The following ANGEL2 variants were observed in gnomAD, a reference collection of about 807,000 sequenced individuals.
ANGEL2 encodes the protein RNA 2',3'-cyclic phosphatase ANGEL2.
In ANGEL2, 41 loss-of-function variants were observed where a neutral mutation model predicts 66.0. The ratio of observed to expected loss-of-function variants is 0.62; its 90% CI spans 0.48 to 0.81. The LOEUF is 0.81. Among genes scored for constraint, ANGEL2 ranks in the 30% least tolerant of loss-of-function variants. The pLI is 0.00. For missense variants in ANGEL2, 561 were observed against 641.6 expected (o/e 0.87, Z 1.36); for synonymous variants, 208 against 226.5 (o/e 0.92, Z 0.73).
intron 1 of ANGEL2, chr1:213,015,039 A>AT: frequency 2.3e-6 from 2 of 887,280 alleles, no homozygotes; most frequent in Non-Finnish European, 2.7e-6. Context: ...TTTAAAAAAA[A>AT]CTGAGTCAAT....
At chr1:213,007,274 AT>A in intron 3 of ANGEL2, 76 bp from the exon 4 acceptor site, 1 of 1,157,192 alleles carries the variant, frequency 8.6e-7, no homozygotes, top group Non-Finnish European at 1.2e-6. Context: ...ATCTTAAAAT[AT>A]CTAAAAGCAG....
Position 212,992,449 on chromosome 1 carries a change from TGA to T in ANGEL2, c.*2590_*2591del, listed in dbSNP as rs2075883141. 1 of 152,242 alleles carries T rather than the reference TGA, an allele frequency of 6.6e-6. No individual in the cohort carries two copies. The highest frequency in any genetic ancestry group is 1.5e-5 in the Non-Finnish European group (1 of 68,038). 9.4% of individuals were successfully genotyped at this position (152,242 alleles called of 1,614,324 possible). On this transcript the variant is annotated 3_prime_UTR_variant, in exon 9 of 9. Transcript: ENST00000366962. ...ACTTGGATAGTATAACACTTGAGAC[TGA>T]GAGATTTGGTTTCAGGCATTAACCA...
intron 1 of ANGEL2, among the ~76,000 whole-genome samples, chr1:213,014,308 T>C (rs61834070): frequency 1.3e-5 from 2 of 152,378 alleles, no homozygotes; most frequent in Admixed American, 6.5e-5. Context: ...GCATCAATAA[T>C]GTGCGCTCCC....
chr1:212,995,222 TA>T, intron 8 of ANGEL2, 30 bp from the exon 9 acceptor site: 1 of 1,564,166 alleles, frequency 6.4e-7, no homozygotes, highest in Non-Finnish European at 8.7e-7. Context: ...ACATATTTAG[TA>T]AAATTGTCAA....
chr1:213,014,888 T>C (rs988629782), intron 1 of ANGEL2, among the ~76,000 whole-genome samples: 2 of 152,182 alleles, frequency 1.3e-5, no homozygotes, highest in Non-Finnish European at 1.5e-5. Flanking sequence ...TTTCACAGAG[T>C]ACACAGTTAA....
rs2075956306 is a variant in ANGEL2, at chr1:212,994,965, G to A, written c.*76C>T. On this transcript the variant is annotated 3_prime_UTR_variant, in exon 9 of 9. Coordinates refer to ENST00000366962, the MANE Select transcript of ANGEL2 (RefSeq NM_144567.5). Reference sequence around the variant, plus strand: ...TCCACAGTGCAAAAATAAACAACATGCATACACTTAAGAACTTTACATTCT... The same window carrying A: ...TCCACAGTGCAAAAATAAACAACATACATACACTTAAGAACTTTACATTCT... 2 of 1,356,748 alleles carry A rather than the reference G, an allele frequency of 1.5e-6. No individual in the cohort carries two copies. Among genetic ancestry groups the A allele is most frequent in the Non-Finnish European group, 9.8e-7 (1 of 1,023,394 alleles). 84.0% of individuals were successfully genotyped at this position (1,356,748 alleles called of 1,614,324 possible). A position where few individuals can be genotyped will look rare whatever the true frequency, so the allele number is the denominator to read the frequency against.
intron 8 of ANGEL2, among the ~76,000 whole-genome samples, chr1:212,995,939 A>G (rs1180156360): frequency 6.6e-6 from 1 of 152,248 alleles, no homozygotes; most frequent in East Asian, 1.9e-4. Context: ...AAGTTTTCTT[A>G]AAGGTATTTT....
At chr1:213,015,465 G>T (rs1241558299) in intron 1 of ANGEL2, 148 bp downstream of exon 1, 41 of 1,452,308 alleles carry the variant, frequency 2.8e-5, no homozygotes, top group Non-Finnish European at 3.6e-5. Flanking sequence ...CTGGAGGCTC[G>T]TCCCGGATGC....
intron 2 of ANGEL2, chr1:213,011,120 G>A: frequency 5.0e-6 from 6 of 1,204,306 alleles, no homozygotes; most frequent in Non-Finnish European, 6.5e-6. Flanking sequence ...TTCCATGGAA[G>A]ACAATTTGAA....
At chr1:213,011,760 A>C (rs921370388) in intron 2 of ANGEL2, among the ~76,000 whole-genome samples, 2 of 152,208 alleles carry the variant, frequency 1.3e-5, no homozygotes, top group African/African-American at 4.8e-5. Flanking sequence ...ATGCTTATGT[A>C]GCTATGCCAC....
intron 3 of ANGEL2, among the ~76,000 whole-genome samples, 180 bp from the exon 4 acceptor site, chr1:213,007,378 G>T (rs1030366508): frequency 6.6e-6 from 1 of 152,038 alleles, no homozygotes; most frequent in Non-Finnish European, 1.5e-5. Context: ...TCCGAATTTT[G>T]ATCAATCTCA....
chr1:213,000,363 G>C lies in ANGEL2; in HGVS notation c.1282C>G (p.Gln428Glu). 1 of 1,613,784 alleles carries C rather than the reference G, an allele frequency of 6.2e-7. No individual in the cohort carries two copies. Among genetic ancestry groups the C allele is most frequent in the Non-Finnish European group, 8.5e-7 (1 of 1,179,736 alleles). Residue 428 changes from glutamine (Q) to glutamate (E), a missense_variant, in exon 7 of 9, where the codon CAG (glutamine) becomes GAG (glutamate). Coordinates refer to ENST00000366962, the MANE Select transcript of ANGEL2 (RefSeq NM_144567.5). ...EKTDSDLTQT[Q>E]LKQTEVLVTA... is the part of the protein sequence containing the mutation. ...ACTAGGACCTCTGTTTGCTTCAGCT[G>C]TGTTTGTGTCAGATCACTGTCTGTA...
intron 5 of ANGEL2, among the ~76,000 whole-genome samples, chr1:213,003,949 C>CA (rs2076248934): frequency 6.6e-6 from 1 of 152,160 alleles, no homozygotes; most frequent in Non-Finnish European, 1.5e-5. Flanking sequence ...CCTGTAATCC[C>CA]AGCACTTTGG....
rs895005930 is a variant in ANGEL2 at position 212,993,005 on chromosome 1, G to A, written c.*2036C>T. 6.6e-6 allele frequency: 1 copy of A among 152,080 alleles called. No homozygotes were observed. Among genetic ancestry groups the A allele is most frequent in the African/African-American group, 2.4e-5 (1 of 41,412 alleles). The allele number at this position is 152,080 out of a possible 1,614,324, so 9.4% of individuals were successfully genotyped here. A position where few individuals can be genotyped will look rare whatever the true frequency, so the allele number is the denominator to read the frequency against. On this transcript the variant is annotated 3_prime_UTR_variant, in exon 9 of 9. Coordinates refer to ENST00000366962, the MANE Select transcript of ANGEL2 (RefSeq NM_144567.5). ...AAATCCTAGAACTATAATTAATACT[G>A]TAATTAAAATCCCCCCAAAGGCCAG...
At position 212,995,127 on chromosome 1, in the gene ANGEL2, C is replaced by T; in HGVS notation, c.1549G>A (p.Asp517Asn). The change falls in exon 9 of 9, where the codon GAC (aspartate) becomes AAC (asparagine). Residue 517 changes from aspartate to asparagine, a missense_variant. Asp to Asn is a conservative substitution (Grantham distance 23). Coordinates refer to ENST00000366962, the MANE Select transcript of ANGEL2 (RefSeq NM_144567.5). ...LARLSLLTEQDLWTVNGLPNE... is the reference protein window; with the variant it reads ...LARLSLLTEQNLWTVNGLPNE... ...GGAAGTCCATTAACAGTCCATAAGT[C>T]TTGTTCTGTAAGAAGTGACAGTCTA... 1 of 1,611,194 alleles carries T rather than the reference C, an allele frequency of 6.2e-7. No individual in the cohort carries two copies.
Position 213,013,391 on chromosome 1 carries a change from C to T in ANGEL2, c.87G>A (p.Arg29=). Residue 29 remains arginine, a synonymous_variant, in exon 2 of 9, where the codon AGG becomes AGA. Transcript: ENST00000366962. The part of the protein sequence containing the change: ...GRYPMFPHHS[R]SLGRDWTTPW... ...GTGTAGTCCAGTCTCTGCCCAGACT[C>T]CTCGAGTGATGGGGAAACATGGGGT... The T allele has an allele frequency of 6.2e-7, 1 of 1,613,606 alleles. No homozygotes were observed. The highest frequency in any genetic ancestry group is 1.1e-5 in the South Asian group (1 of 91,028).
At chr1:212,998,113 G>A (rs997082535) in intron 7 of ANGEL2, among the ~76,000 whole-genome samples, 8 of 151,960 alleles carry the variant, frequency 5.3e-5, no homozygotes, top group South Asian at 2.1e-4. Context: ...AAATAGGGCC[G>A]GACGCGGTGG....
chr1:212,994,475 GTAA>G lies in ANGEL2; in HGVS notation c.*563_*565del, dbSNP rs2075945984. 1 of 152,156 alleles carries G rather than the reference GTAA, an allele frequency of 6.6e-6. No individual in the cohort carries two copies. The highest frequency in any genetic ancestry group is 2.4e-5 in the African/African-American group (1 of 41,398). The allele number at this position is 152,156 out of a possible 1,614,324, so 9.4% of individuals were successfully genotyped here. On this transcript the variant is annotated 3_prime_UTR_variant, in exon 9 of 9. Coordinates refer to ENST00000366962, the MANE Select transcript of ANGEL2 (RefSeq NM_144567.5). The stretch of plus-strand genomic sequence containing the variant: ...CAGGCATATTACATGGCTCAGGACA[GTAA>G]TAAGATGGATTAAGCATTCTGTACA...
intron 3 of ANGEL2, 64 bp from the exon 4 acceptor site, chr1:213,007,262 T>G: frequency 7.9e-7 from 1 of 1,266,476 alleles, no homozygotes; most frequent in Non-Finnish European, 1.1e-6. Flanking sequence ...CCTGGTGCTT[T>G]TATCTTAAAA....
Sources: allele counts gnomAD v4.1 joint callset (sites outside exome capture counted in the v4.1 genomes callset), GRCh38; gene constraint gnomAD v4.1.1; transcripts MANE v1.5; gene names NCBI Gene and HGNC (gene_info 2026-07-23, HGNC 2026-07-21).